MARCHF1: variants seen among roughly 807,000 people sequenced by gnomAD.
The protein encoded by MARCHF1 is E3 ubiquitin-protein ligase MARCHF1.
A neutral mutation model predicts 54.2 loss-of-function variants in MARCHF1; 40 were observed. The ratio of observed to expected loss-of-function variants is 0.74; its 90% confidence interval spans 0.57 to 0.96. The LOEUF (loss-of-function observed/expected upper bound fraction) is 0.96, where lower values mean the gene tolerates loss of function less well. MARCHF1 is among the 40% of genes least tolerant of loss of function. The pLI, the probability that MARCHF1 is intolerant of heterozygous loss-of-function variation, is 0.00. For missense variants in MARCHF1, 586 were observed against 656.5 expected (o/e 0.89, Z 1.17); for synonymous variants, 236 against 236.3 (o/e 1.00, Z 0.01).
At chr4:163,609,607 CTGTG>C (rs34278549) in intron 7 of MARCHF1, among the ~76,000 whole-genome samples, 15 of 148,880 alleles carry the variant, frequency 1.0e-4, no homozygotes, top group Non-Finnish European at 7.4e-5. Context: ...AAAGGTCTTT[CTGTG>C]TGTGTGTGTG....
At chr4:163,764,392 G>C (rs1295861875) in intron 4 of MARCHF1, among the ~76,000 whole-genome samples, 36 of 152,068 alleles carry the variant, frequency 2.4e-4, no homozygotes, top group Admixed American at 2.2e-3. Flanking sequence ...TGGCTAAAAT[G>C]ACTATTTCTT....
chr4:163,787,023 C>T (rs1747641043), intron 4 of MARCHF1, among the ~76,000 whole-genome samples: 1 of 151,744 alleles, frequency 6.6e-6, no homozygotes, highest in African/African-American at 2.4e-5. Flanking sequence ...AACTGAATAT[C>T]CATTTACAAA....
chr4:164,303,970 A>G (rs2111403041), intron 1 of MARCHF1, among the ~76,000 whole-genome samples: 1 of 152,356 alleles, frequency 6.6e-6, no homozygotes, highest in East Asian at 1.9e-4. Flanking sequence ...TATTTACCGC[A>G]TGCATTTAAG....
chr4:163,751,246 T>C (rs919687724), intron 4 of MARCHF1, among the ~76,000 whole-genome samples: 1 of 151,990 alleles, frequency 6.6e-6, no homozygotes, highest in Non-Finnish European at 1.5e-5. Context: ...TAGCTCATTA[T>C]AGCCTCAAAC....
intron 3 of MARCHF1, among the ~76,000 whole-genome samples, chr4:163,982,061 G>A (rs1752773759): frequency 6.6e-6 from 1 of 152,158 alleles, no homozygotes; most frequent in South Asian, 2.1e-4. Flanking sequence ...CACAACATCT[G>A]TTTTAAACAA....
chr4:163,585,844 AG>A lies in MARCHF1; in HGVS notation c.1095del (p.Cys366AlafsTer6). On this transcript the variant is annotated frameshift_variant, in exon 8 of 10. Coordinates refer to ENST00000514618, the MANE Select transcript of MARCHF1 (RefSeq NM_001394959.1). LOFTEE classifies it high-confidence loss of function. The stretch of plus-strand genomic sequence containing the variant: ...GAGCTCTTTATCCACTGGTGGAGGC[AG>A]GACTGGTGGACAAAGCGCAGTGTCC... ...CTGTLRFVHQ[S>X]CLHQWIKSSD... is the part of the protein sequence containing the mutation. The A allele has an allele frequency of 6.2e-7, 1 of 1,614,080 alleles. No homozygotes were observed. The highest frequency in any genetic ancestry group is 8.5e-7 in the Non-Finnish European group (1 of 1,179,946).
At position 164,105,459 on chromosome 4, in the gene MARCHF1, T is replaced by G. The variant is rs1339272761; in HGVS notation, c.-248+6129A>C. 2.0e-4 allele frequency among the ~76,000 whole-genome samples: 30 copies of G among 146,692 alleles called. No individual in the cohort carries two copies. The Middle Eastern group carries it at 0.011, about 52-fold the overall frequency. Reference sequence around the variant, plus strand: ...AGAACAGAGCCCTCAGAAATAACGCTGCATATCTACAACTATCTGATCTTT... The same window carrying G: ...AGAACAGAGCCCTCAGAAATAACGCGGCATATCTACAACTATCTGATCTTT... On this transcript the variant is annotated intron_variant, in intron 2 of 9. Transcript: ENST00000514618.
At chr4:164,055,459 AAT>A (rs1553974598) in intron 2 of MARCHF1, among the ~76,000 whole-genome samples, 6 of 134,644 alleles carry the variant, frequency 4.5e-5, no homozygotes, top group Admixed American at 3.8e-4. Context: ...AAAAAAAAAA[AAT>A]TAGGAATAGG....
intron 3 of MARCHF1, among the ~76,000 whole-genome samples, chr4:163,938,750 G>A (rs188670171): frequency 1.6e-4 from 24 of 152,264 alleles, no homozygotes; most frequent in Non-Finnish European, 7.4e-5. Context: ...TACAATCATG[G>A]TGGAATGGGA....
chr4:164,171,644 C>T (rs959065258), intron 1 of MARCHF1, among the ~76,000 whole-genome samples: 12 of 152,108 alleles, frequency 7.9e-5, no homozygotes, highest in Middle Eastern at 6.8e-3. Context: ...GAGTACCAAG[C>T]CTTAAATGAA....
chr4:164,348,233 A>G (rs1214034441), intron 1 of MARCHF1, among the ~76,000 whole-genome samples: 2 of 152,298 alleles, frequency 1.3e-5, no homozygotes, highest in East Asian at 3.9e-4. Flanking sequence ...GAGTTCACTC[A>G]GCAGCCCATA....
intron 1 of MARCHF1, among the ~76,000 whole-genome samples, chr4:164,157,385 G>A (rs555154326): frequency 6.6e-6 from 1 of 152,134 alleles, no homozygotes; most frequent in South Asian, 2.1e-4. Flanking sequence ...AAAATAAAAG[G>A]AGGCTTCACA....
intron 3 of MARCHF1, among the ~76,000 whole-genome samples, chr4:163,966,256 G>A (rs899984734): frequency 2.0e-5 from 3 of 151,714 alleles, no homozygotes; most frequent in East Asian, 1.9e-4. Flanking sequence ...TGCATATAAG[G>A]GAGATGTTAT....
chr4:164,026,611 C>T (rs748281224), intron 2 of MARCHF1, among the ~76,000 whole-genome samples: 9 of 152,066 alleles, frequency 5.9e-5, no homozygotes, highest in African/African-American at 1.9e-4. Context: ...CCATCTATGG[C>T]AAACCAACAG....
rs759714690 is a variant in MARCHF1 at position 163,529,041 on chromosome 4, G to A, written c.1345C>T (p.Leu449Phe). The change falls in exon 10 of 10, where the codon CTT becomes TTT. Residue 449 changes from leucine to phenylalanine, a missense_variant. Physicochemically the swap from Leu to Phe is conservative, Grantham distance 22. Around this residue, in one of 3 missense-constraint regions of MARCHF1, gnomAD observed 93 missense variants for 168.2 expected, o/e 0.55. Transcript: ENST00000514618. ...EIKQGNDNGV[L>F]EWPFWTKLVV... ...AGTTTTGTCCAAAATGGCCATTCAA[G>A]GACACCTTTGAAATGAAAAAGAGAA... 6.2e-7 allele frequency: 1 copy of A among 1,602,014 alleles called. No individual in the cohort carries two copies. The highest frequency in any genetic ancestry group is 8.5e-7 in the Non-Finnish European group (1 of 1,172,142).
At chr4:163,979,155 A>C (rs527286695) in intron 3 of MARCHF1, among the ~76,000 whole-genome samples, 1 of 70,772 alleles carries the variant, frequency 1.4e-5, no homozygotes, top group Non-Finnish European at 2.7e-5. Context: ...ATATCTCCCA[A>C]TGCTATCCCC....
chr4:164,218,601 C>CA (rs576670379), intron 1 of MARCHF1, among the ~76,000 whole-genome samples: 44 of 146,888 alleles, frequency 3.0e-4, no homozygotes, highest in Non-Finnish European at 5.8e-4. Context: ...ATCCCAAGGA[C>CA]AAAAAACCAA....
intron 3 of MARCHF1, among the ~76,000 whole-genome samples, chr4:163,927,385 T>C (rs935659014): frequency 1.3e-5 from 2 of 151,784 alleles, no homozygotes; most frequent in African/African-American, 4.8e-5. Flanking sequence ...CCATTGAAAC[T>C]AAAATTTAAC....
At chr4:163,963,756 C>T (rs1351843999) in intron 3 of MARCHF1, among the ~76,000 whole-genome samples, 1 of 151,884 alleles carries the variant, frequency 6.6e-6, no homozygotes, top group Admixed American at 6.6e-5. Context: ...TGCAATGAAG[C>T]ACCTACCCTA....
Sources: gnomAD v4.1 joint callset for allele counts (sites outside exome capture counted in the v4.1 genomes callset) on GRCh38, gnomAD v4.1.1 for gene constraint, gnomAD v4.1.1 regional missense constraint, MANE v1.5 for transcripts, NCBI Gene and HGNC (gene_info 2026-07-23, HGNC 2026-07-21) for gene names.